Variants in MED27 observed in about 807,000 individuals in gnomAD.
MED27 encodes the protein mediator of RNA polymerase II transcription subunit 27.
In MED27, 30 loss-of-function variants were observed where a neutral mutation model predicts 38.2. That is an observed-to-expected ratio of 0.79 (90% CI 0.59 to 1.07). MED27 has a LOEUF of 1.07. Ranked by LOEUF, MED27 falls within the 50% of genes least tolerant of loss-of-function variation. The pLI, the probability that MED27 is intolerant of heterozygous loss-of-function variation, is 0.00. For synonymous variants in MED27, 122 were observed against 153.5 expected (o/e 0.79, Z 1.52); for missense variants, 289 against 397.5 (o/e 0.73, Z 2.32).
chr9:131,976,426 TA>T (rs1272070620), intron 3 of MED27, among the ~76,000 whole-genome samples: 2 of 152,184 alleles, frequency 1.3e-5, no homozygotes, highest in African/African-American at 2.4e-5. Context: ...AAAATAACAA[TA>T]AAAACAGTCA....
chr9:132,014,234 G>A (rs113932625), intron 3 of MED27, 103 bp downstream of exon 3: 3 of 1,273,794 alleles, frequency 2.4e-6, no homozygotes, highest in East Asian at 4.8e-5. Context: ...GGAAGGGAGG[G>A]AGGGAATTTT....
intron 6 of MED27, among the ~76,000 whole-genome samples, chr9:131,874,645 G>A (rs1248078486): frequency 1.3e-5 from 2 of 152,186 alleles, no homozygotes; most frequent in African/African-American, 4.8e-5. Flanking sequence ...AACTTTCCAG[G>A]GTCCTGACCG....
At chr9:131,897,093 T>C (rs138551272) in intron 4 of MED27, among the ~76,000 whole-genome samples, 228 of 152,394 alleles carry the variant, frequency 1.5e-3, no homozygotes, top group African/African-American at 5.3e-3. Context: ...TACTGCTATA[T>C]AGTCTTCACA....
At chr9:132,018,236 C>A (rs545158833) in intron 2 of MED27, among the ~76,000 whole-genome samples, 3 of 152,290 alleles carry the variant, frequency 2.0e-5, no homozygotes, top group Non-Finnish European at 4.4e-5. Flanking sequence ...CTTAACAAAT[C>A]TTTTTCTGTT....
At chr9:131,903,780 T>G (rs1184151838) in intron 4 of MED27, among the ~76,000 whole-genome samples, 1 of 152,112 alleles carries the variant, frequency 6.6e-6, no homozygotes, top group Non-Finnish European at 1.5e-5. Context: ...CAGGTTGGAG[T>G]GCAGTAGCAT....
intron 3 of MED27, among the ~76,000 whole-genome samples, chr9:131,945,126 AAT>A (rs1294778573): frequency 6.8e-6 from 1 of 147,096 alleles, no homozygotes; most frequent in Non-Finnish European, 1.5e-5. Flanking sequence ...AATATATAAA[AAT>A]ATCTTTATAT....
Position 132,014,326 on chromosome 9 carries a change from C to A in MED27, c.479+11G>T. 6.2e-7 allele frequency: 1 copy of A among 1,606,880 alleles called. No individual in the cohort carries two copies. Among genetic ancestry groups the A allele is most frequent in the Non-Finnish European group, 8.5e-7 (1 of 1,177,782 alleles). On this transcript the variant is annotated intron_variant, in intron 3 of 7. Transcript: ENST00000292035. ...CCAGTACTAAAGTAATTTTTCAAAT[C>A]CATCACTCACTGAGGTGGTAGGACA...
chr9:131,969,870 A>G (rs1349630915), intron 3 of MED27, among the ~76,000 whole-genome samples: 1 of 152,130 alleles, frequency 6.6e-6, no homozygotes, highest in Non-Finnish European at 1.5e-5. Flanking sequence ...AGCTGAATGA[A>G]CTCTTCAGTA....
intron 3 of MED27, among the ~76,000 whole-genome samples, chr9:132,001,957 T>C (rs1037395179): frequency 2.0e-5 from 3 of 152,242 alleles, no homozygotes; most frequent in Admixed American, 6.5e-5. Context: ...AAGATTCTAA[T>C]GTGTAGCTAG....
chr9:131,995,690 T>C (rs1267359452), intron 3 of MED27, among the ~76,000 whole-genome samples: 1 of 152,128 alleles, frequency 6.6e-6, no homozygotes, highest in Non-Finnish European at 1.5e-5. Context: ...CCCCTTTCTG[T>C]AGTAGGCCCA....
intron 2 of MED27, among the ~76,000 whole-genome samples, chr9:132,046,584 A>C (rs1244021483): frequency 1.3e-5 from 2 of 152,186 alleles, no homozygotes; most frequent in Non-Finnish European, 2.9e-5. Flanking sequence ...TAATGGCTGA[A>C]ATCATCTGTT....
rs142104399 is a variant in MED27 at position 131,861,591 on chromosome 9, C to A, written c.802-919G>T. 2.6e-5 allele frequency among the ~76,000 whole-genome samples: 4 copies of A among 152,226 alleles called. No individual in the cohort carries two copies. The highest frequency in any genetic ancestry group is 9.6e-5 in the African/African-American group (4 of 41,542). On this transcript the variant is annotated intron_variant, in intron 7 of 7. Coordinates refer to ENST00000292035, the MANE Select transcript of MED27 (RefSeq NM_004269.4). The surrounding 1 kb of genome is among the most constrained non-coding windows in gnomAD (Gnocchi z 4.4). ...TGTTTGGGGGTTTTGGCAATAAACACGAGGTCAAGAGGTCCTTCAGTTAAA... is the reference window on the plus strand; with the variant it reads ...TGTTTGGGGGTTTTGGCAATAAACAAGAGGTCAAGAGGTCCTTCAGTTAAA...
intron 3 of MED27, among the ~76,000 whole-genome samples, chr9:132,000,074 A>T (rs1282676714): frequency 1.4e-5 from 1 of 72,198 alleles, no homozygotes; most frequent in Non-Finnish European, 2.5e-5. Context: ...TCAAAAGTAA[A>T]ATCACTTTTG....
intron 3 of MED27, among the ~76,000 whole-genome samples, chr9:131,974,925 C>A (rs1198710622): frequency 1.3e-5 from 2 of 152,146 alleles, no homozygotes; most frequent in African/African-American, 4.8e-5. Context: ...GGGCATATAT[C>A]TTTTTTTAAG....
At chr9:131,919,968 C>T (rs1471500020) in intron 4 of MED27, among the ~76,000 whole-genome samples, 1 of 151,904 alleles carries the variant, frequency 6.6e-6, no homozygotes, top group Non-Finnish European at 1.5e-5. Context: ...CATCACCATG[C>T]CTGACTAATT....
intron 3 of MED27, among the ~76,000 whole-genome samples, chr9:132,006,504 G>C (rs1432840746): frequency 6.6e-6 from 1 of 151,976 alleles, no homozygotes; most frequent in East Asian, 1.9e-4. Context: ...AAGAGTCCAG[G>C]AACAAAACAA....
At chr9:131,987,052 A>G (rs554245821) in intron 3 of MED27, among the ~76,000 whole-genome samples, 2 of 116,232 alleles carry the variant, frequency 1.7e-5, no homozygotes, top group African/African-American at 6.7e-5. Context: ...ATCTTTCTAC[A>G]TAACTTGGTT....
chr9:131,907,479 C>T (rs1046989853), intron 4 of MED27, among the ~76,000 whole-genome samples: 5 of 152,196 alleles, frequency 3.3e-5, no homozygotes, highest in Non-Finnish European at 5.9e-5. Context: ...CTCCGCCTAC[C>T]GAGGTGCCGG....
chr9:131,927,649 G>A (rs1359842843), intron 4 of MED27, among the ~76,000 whole-genome samples: 1 of 152,156 alleles, frequency 6.6e-6, no homozygotes, highest in Non-Finnish European at 1.5e-5. Context: ...CAGGCTAGGA[G>A]GTGACTACTC....
Sources: gnomAD v4.1 joint callset for allele counts (sites outside exome capture counted in the v4.1 genomes callset) on GRCh38, gnomAD v4.1.1 for gene constraint, Gnocchi (gnomAD v3.1) non-coding constraint, MANE v1.5 for transcripts, NCBI Gene and HGNC (gene_info 2026-07-23, HGNC 2026-07-21) for gene names.